The following LY75 variants were observed in gnomAD, a reference collection of about 807,000 sequenced individuals.
LY75 encodes C-type lectin domain family 13 member B.
Under a neutral mutation model 231.7 loss-of-function variants are expected in LY75, and 185 were observed. That is an observed-to-expected ratio of 0.80 (90% CI 0.71 to 0.90). LY75 has a LOEUF of 0.90. Ranked by LOEUF, LY75 falls within the 40% of genes least tolerant of loss-of-function variation. The pLI, the probability that LY75 is intolerant of heterozygous loss-of-function variation, is 0.00. For missense variants in LY75, 1,947 were observed against 2,050.2 expected (o/e 0.95, Z 0.97); for synonymous variants, 668 against 689.0 (o/e 0.97, Z 0.48).
At chr2:159,841,115 A>C (rs1454559731) in intron 24 of LY75, 160 bp from the exon 25 acceptor site, 1 of 646,098 alleles carries the variant, frequency 1.5e-6, no homozygotes, top group African/African-American at 2.0e-5. Context: ...GTCTTGCTGT[A>C]TACCTTAAGG....
chr2:159,829,901 A>T (rs576372234), intron 28 of LY75, among the ~76,000 whole-genome samples: 7 of 152,240 alleles, frequency 4.6e-5, no homozygotes, highest in Admixed American at 1.3e-4. Context: ...TGATAATATA[A>T]CTACAAAGTA....
In LY75 at chr2:159,854,376, T is replaced by C. The variant is rs753191057; in HGVS notation, c.2579A>G (p.Lys860Arg). ...TTAAATTACATTTGCTATTTTGTTT[T>C]TGATGGCTTTTAGTCCCACAAAAGA... is the stretch of plus-strand genomic sequence containing the variant. ...ITSFVGLKAI[K>R]NKIANISGDG... Residue 860 changes from lysine (K) to arginine (R), a missense_variant, in exon 18 of 35, where the codon AAA (lysine) becomes AGA (arginine). Transcript: ENST00000263636. The C allele has an allele frequency of 2.1e-6, 3 of 1,436,904 alleles. No individual in the cohort carries two copies. Among genetic ancestry groups the C allele is most frequent in the African/African-American group, 2.9e-5 (2 of 70,036 alleles). The allele number at this position is 1,436,904 out of a possible 1,614,324, so 89.0% of individuals were successfully genotyped here. A position where few individuals can be genotyped will look rare whatever the true frequency, so the allele number is the denominator to read the frequency against.
At chr2:159,808,340 A>G (rs1390854260) in intron 33 of LY75, 109 bp downstream of exon 33, 1 of 1,570,528 alleles carries the variant, frequency 6.4e-7, no homozygotes, top group African/African-American at 1.4e-5. Flanking sequence ...TTTATCCAGA[A>G]GAGGCATCTG....
chr2:159,841,011 T>C, intron 24 of LY75, 56 bp from the exon 25 acceptor site: 1 of 1,585,146 alleles, frequency 6.3e-7, no homozygotes, highest in Non-Finnish European at 8.5e-7. Context: ...CTCTGCAAGT[T>C]ATGGGACATT....
chr2:159,809,269 AG>A (rs2125827001), intron 32 of LY75, among the ~76,000 whole-genome samples: 1 of 152,348 alleles, frequency 6.6e-6, no homozygotes, highest in East Asian at 1.9e-4. Context: ...TAGTTCCCCT[AG>A]AAGTCATTTT....
intron 34 of LY75, among the ~76,000 whole-genome samples, chr2:159,806,720 C>A (rs1245219641): frequency 6.6e-6 from 1 of 152,084 alleles, no homozygotes; most frequent in East Asian, 1.9e-4. Flanking sequence ...TCCCTAATAC[C>A]CTGGCAACTT....
intron 34 of LY75, 25 bp from the exon 35 acceptor site, chr2:159,805,247 T>C: frequency 6.3e-7 from 1 of 1,587,748 alleles, no homozygotes; most frequent in Non-Finnish European, 8.6e-7. Flanking sequence ...GGTTTGATGT[T>C]GGAGGAGAGA....
intron 28 of LY75, among the ~76,000 whole-genome samples, chr2:159,821,836 C>G (rs904692081): frequency 6.6e-6 from 1 of 152,150 alleles, no homozygotes; most frequent in Non-Finnish European, 1.5e-5. Flanking sequence ...AACTGAGGTA[C>G]CGGGTTCATC....
intron 7 of LY75, among the ~76,000 whole-genome samples, chr2:159,881,767 T>C (rs1357807067): frequency 2.6e-5 from 4 of 152,224 alleles, no homozygotes; most frequent in Non-Finnish European, 4.4e-5. Flanking sequence ...CTTAAGTTTT[T>C]TGAGCAACTT....
intron 24 of LY75, among the ~76,000 whole-genome samples, chr2:159,841,554 A>T (rs1684029197): frequency 6.6e-6 from 1 of 152,320 alleles, no homozygotes; most frequent in South Asian, 2.1e-4. Flanking sequence ...AAAATAATGT[A>T]ATACTTTTTT....
rs1683138734 is a variant in LY75 at position 159,817,007 on chromosome 2, AG to A, written c.4178del (p.Thr1393IlefsTer21). The A allele has an allele frequency of 6.2e-7, 1 of 1,613,436 alleles. No individual in the cohort carries two copies. On this transcript the variant is annotated frameshift_variant, in exon 30 of 35. Coordinates refer to ENST00000263636, the MANE Select transcript of LY75 (RefSeq NM_002349.4). LOFTEE classifies it high-confidence loss of function. ...CATATGGCATAAACTGTGGCAGTGT[AG>A]TATTATATTCTTCTTTGTAGTCAAC... ...EMVDYKEEYNTTLPQFMPYED... is the reference protein window; with the variant it reads ...EMVDYKEEYNXTLPQFMPYED...
At position 159,860,831 on chromosome 2, in the gene LY75, G is replaced by C; in HGVS notation, c.2258C>G (p.Ala753Gly). 1 of 1,613,894 alleles carries C rather than the reference G, an allele frequency of 6.2e-7. No homozygotes were observed. The highest frequency in any genetic ancestry group is 8.5e-7 in the Non-Finnish European group (1 of 1,179,870). ...CAGCATTGTACTGACCTTGACAGCA[G>C]CACAGTCTCTGATGTCATAATCCTG... ...FQQDYDIRDCAAVKVFHRPWR... is the reference protein window; with the variant it reads ...FQQDYDIRDCGAVKVFHRPWR... Residue 753 changes from alanine to glycine, a missense_variant, in exon 15 of 35, where the codon GCT becomes GGT. Ala to Gly is a moderately conservative substitution (Grantham distance 60, BLOSUM62 0). Coordinates refer to ENST00000263636, the MANE Select transcript of LY75 (RefSeq NM_002349.4).
chr2:159,810,192 C>T (rs1381226127), intron 32 of LY75, among the ~76,000 whole-genome samples: 1 of 151,792 alleles, frequency 6.6e-6, no homozygotes, highest in African/African-American at 2.4e-5. Context: ...TGCGACCACA[C>T]CCAGCTAATT....
intron 28 of LY75, 85 bp downstream of exon 28, chr2:159,831,585 T>C: frequency 1.4e-6 from 2 of 1,410,618 alleles, no homozygotes; most frequent in Middle Eastern, 1.8e-4. Flanking sequence ...TTGATAGACA[T>C]GTACTTTGAA....
At chr2:159,879,838 T>G (rs1685381916) in intron 8 of LY75, among the ~76,000 whole-genome samples, 1 of 152,212 alleles carries the variant, frequency 6.6e-6, no homozygotes, top group Non-Finnish European at 1.5e-5. Context: ...CTTTCAACTC[T>G]ACTTCAATCT....
At chr2:159,817,719 A>T (rs777041073) in intron 29 of LY75, among the ~76,000 whole-genome samples, 2 of 152,206 alleles carry the variant, frequency 1.3e-5, no homozygotes, top group African/African-American at 4.8e-5. Context: ...CAAAAAAACT[A>T]CAATGATGAG....
At chr2:159,871,819 G>A (rs868726421) in intron 13 of LY75, 2 of 152,166 alleles carry the variant, frequency 1.3e-5, no homozygotes, top group East Asian at 3.8e-4. Flanking sequence ...ATATATGCAG[G>A]TATATGTGAG....
At chr2:159,835,699 A>G (rs1254910439) in intron 25 of LY75, 54 bp from the exon 26 acceptor site, 6 of 1,582,822 alleles carry the variant, frequency 3.8e-6, no homozygotes, top group Non-Finnish European at 5.1e-6. Context: ...AACCCTTTGT[A>G]TTATTTTGAC....
At chr2:159,843,214 T>C (rs1181116589) in intron 23 of LY75, among the ~76,000 whole-genome samples, 4 of 151,776 alleles carry the variant, frequency 2.6e-5, no homozygotes, top group African/African-American at 9.7e-5. Flanking sequence ...ATAACACAGG[T>C]CAAGCAATAG....
Sources: gnomAD v4.1 joint callset for allele counts (sites outside exome capture counted in the v4.1 genomes callset) on GRCh38, gnomAD v4.1.1 for gene constraint, MANE v1.5 for transcripts, NCBI Gene and HGNC (gene_info 2026-07-23, HGNC 2026-07-21) for gene names.